The following CAMK4 variants were observed in gnomAD, a reference collection of about 807,000 sequenced individuals.
CAMK4 encodes calcium/calmodulin-dependent protein kinase type IV.
In CAMK4, 22 loss-of-function variants were observed where a neutral mutation model predicts 44.9. That is an observed-to-expected ratio of 0.49 (90% CI 0.35 to 0.70). The LOEUF is 0.70. Ranked by LOEUF, CAMK4 falls within the 30% of genes least tolerant of loss-of-function variation. The pLI is 0.01. For missense variants in CAMK4, 498 were observed against 586.8 expected (o/e 0.85, Z 1.56); for synonymous variants, 218 against 215.4 (o/e 1.01, Z -0.11).
At position 111,489,415 on chromosome 5, in the gene CAMK4, A is replaced by C. The variant is rs990666319; in HGVS notation, c.*4949A>C. 6.6e-6 allele frequency: 1 copy of C among 152,222 alleles called. No homozygotes were observed. Among genetic ancestry groups the C allele is most frequent in the Admixed American group, 6.5e-5 (1 of 15,276 alleles). 9.4% of individuals were successfully genotyped at this position (152,222 alleles called of 1,614,324 possible). A position where few individuals can be genotyped will look rare whatever the true frequency, so the allele number is the denominator to read the frequency against. On this transcript the variant is annotated 3_prime_UTR_variant, in exon 11 of 11. Coordinates refer to ENST00000282356, the MANE Select transcript of CAMK4 (RefSeq NM_001744.6). ...AGATCAGATAATATAATCTCAGCTC[A>C]TAAAGCTTGGCCATGTCTATACTTA...
intron 1 of CAMK4, among the ~76,000 whole-genome samples, chr5:111,340,359 A>G (rs1335058740): frequency 6.6e-6 from 1 of 151,266 alleles, no homozygotes; most frequent in Admixed American, 6.6e-5. Flanking sequence ...TGGAATTGTC[A>G]TATATGGCCT....
At chr5:111,320,832 A>C (rs1748632941) in intron 1 of CAMK4, among the ~76,000 whole-genome samples, 1 of 152,182 alleles carries the variant, frequency 6.6e-6, no homozygotes, top group South Asian at 2.1e-4. Flanking sequence ...ATTGATATTC[A>C]AGTGCATTGT....
At chr5:111,259,079 T>TCA (rs1749868136) in intron 1 of CAMK4, among the ~76,000 whole-genome samples, 1 of 152,138 alleles carries the variant, frequency 6.6e-6, no homozygotes, top group Non-Finnish European at 1.5e-5. Flanking sequence ...AATTCTACTC[T>TCA]CACCCTTCTC....
chr5:111,230,875 T>G (rs1430860990), intron 1 of CAMK4, among the ~76,000 whole-genome samples: 2 of 152,138 alleles, frequency 1.3e-5, no homozygotes, highest in Admixed American at 1.3e-4. Context: ...ACGTATCTAA[T>G]AAACAGAATA....
chr5:111,368,941 T>C (rs1476562745), intron 2 of CAMK4, among the ~76,000 whole-genome samples: 1 of 151,680 alleles, frequency 6.6e-6, no homozygotes, highest in East Asian at 1.9e-4. Context: ...TTTACTAGAA[T>C]TTTTTTCTTC....
chr5:111,259,026 A>G (rs1239518348), intron 1 of CAMK4, among the ~76,000 whole-genome samples: 1 of 152,146 alleles, frequency 6.6e-6, no homozygotes, highest in Non-Finnish European at 1.5e-5. Context: ...CTAATTTGTC[A>G]AGTGGTAACT....
At position 111,486,993 on chromosome 5, in the gene CAMK4, A is replaced by T. The variant is rs915389394; in HGVS notation, c.*2527A>T. 1.3e-5 allele frequency: 2 copies of T among 152,230 alleles called. No homozygotes were observed. The highest frequency in any genetic ancestry group is 1.9e-4 in the East Asian group (1 of 5,204). 9.4% of individuals were successfully genotyped at this position (152,230 alleles called of 1,614,324 possible). On this transcript the variant is annotated 3_prime_UTR_variant, in exon 11 of 11. Coordinates refer to ENST00000282356, the MANE Select transcript of CAMK4 (RefSeq NM_001744.6). ...TCAAAAATGTTGGTCATTTCAGTCA[A>T]ATTATTCAAAGATTTCATATACATA...
At chr5:111,473,073 C>T (rs2112487147) in intron 7 of CAMK4, among the ~76,000 whole-genome samples, 1 of 151,480 alleles carries the variant, frequency 6.6e-6, no homozygotes, top group East Asian at 1.9e-4. Flanking sequence ...GATATTCTGA[C>T]ATAGAATATT....
chr5:111,344,740 A>G lies in CAMK4; in HGVS notation c.240+638A>G, dbSNP rs73788813. The stretch of plus-strand genomic sequence containing the variant: ...CCCTACACTCATAGATAAGCTGAGG[A>G]GGCAAAAGTGACTTAGGCTTATCTC... On this transcript the variant is annotated intron_variant, in intron 2 of 10. Coordinates refer to ENST00000282356, the MANE Select transcript of CAMK4 (RefSeq NM_001744.6). Among the ~76,000 whole-genome samples, 1,110 of 151,884 alleles carry G rather than the reference A, an allele frequency of 7.3e-3. 14 individuals carry two copies. The highest frequency in any genetic ancestry group is 0.025 in the African/African-American group (1,044 of 41,476).
At chr5:111,379,503 C>A (rs570181626) in intron 4 of CAMK4, among the ~76,000 whole-genome samples, 1 of 152,236 alleles carries the variant, frequency 6.6e-6, no homozygotes, top group Non-Finnish European at 1.5e-5. Flanking sequence ...TGGTCTACAA[C>A]ATTGACCTAG....
At chr5:111,475,091 A>T (rs1755190267) in intron 8 of CAMK4, among the ~76,000 whole-genome samples, 1 of 152,194 alleles carries the variant, frequency 6.6e-6, no homozygotes, top group Non-Finnish European at 1.5e-5. Context: ...TGAACCCAGG[A>T]GGCGGAGATT....
chr5:111,287,107 C>A (rs1485613606), intron 1 of CAMK4, among the ~76,000 whole-genome samples: 1 of 152,126 alleles, frequency 6.6e-6, no homozygotes, highest in Non-Finnish European at 1.5e-5. Context: ...CTTACTGAAA[C>A]TTTTTTTAAC....
intron 1 of CAMK4, among the ~76,000 whole-genome samples, chr5:111,343,222 A>G (rs115667546): frequency 1.3e-5 from 2 of 151,782 alleles, no homozygotes; most frequent in Non-Finnish European, 3.0e-5. Flanking sequence ...TATTTTTATA[A>G]TTCTTTGTGC....
intron 1 of CAMK4, among the ~76,000 whole-genome samples, chr5:111,303,741 A>T (rs1425393364): frequency 6.7e-6 from 1 of 148,920 alleles, no homozygotes; most frequent in East Asian, 2.0e-4. Flanking sequence ...GGAAATACAG[A>T]GAACGCCACA....
At chr5:111,341,992 C>G in intron 1 of CAMK4, among the ~76,000 whole-genome samples, 1 of 151,462 alleles carries the variant, frequency 6.6e-6, no homozygotes. Context: ...GTATTCATGT[C>G]TATTCTTTCT....
At chr5:111,334,456 G>A (rs1198328571) in intron 1 of CAMK4, among the ~76,000 whole-genome samples, 2 of 151,534 alleles carry the variant, frequency 1.3e-5, no homozygotes, top group East Asian at 3.9e-4. Flanking sequence ...GGGCCAAGAT[G>A]TATACTGATA....
chr5:111,415,392 C>T (rs1752781205), intron 5 of CAMK4, among the ~76,000 whole-genome samples: 1 of 152,068 alleles, frequency 6.6e-6, no homozygotes, highest in Admixed American at 6.6e-5. Context: ...AATAATGTCC[C>T]CAAAGTACAA....
chr5:111,410,077 G>A, intron 5 of CAMK4, among the ~76,000 whole-genome samples: 1 of 152,086 alleles, frequency 6.6e-6, no homozygotes, highest in Non-Finnish European at 1.5e-5. Context: ...CAGTTCCAAA[G>A]TCACTTCCAC....
At chr5:111,370,045 C>T (rs1750944983) in intron 2 of CAMK4, among the ~76,000 whole-genome samples, 1 of 151,998 alleles carries the variant, frequency 6.6e-6, no homozygotes, top group Admixed American at 6.6e-5. Flanking sequence ...CTACGTATAC[C>T]CTGAAAGGGC....
Sources: allele counts gnomAD v4.1 joint callset (sites outside exome capture counted in the v4.1 genomes callset), GRCh38; gene constraint gnomAD v4.1.1; transcripts MANE v1.5; gene names NCBI Gene and HGNC (gene_info 2026-07-23, HGNC 2026-07-21).